Variants in RAB37 observed in about 807,000 individuals in gnomAD.
RAB37 encodes RAB37, member RAS oncogene family.
Under a neutral mutation model 33.1 loss-of-function variants are expected in RAB37, and 29 were observed. The ratio of observed to expected loss-of-function variants is 0.88; its 90% CI spans 0.65 to 1.20. The LOEUF (loss-of-function observed/expected upper bound fraction) is 1.20. RAB37 is among the 50% of genes most tolerant of loss of function. The pLI is 0.00. For missense variants in RAB37, 299 were observed against 301.1 expected, an observed-to-expected ratio of 0.99 and a Z score of 0.05; for synonymous variants, 128 against 119.5, an observed-to-expected ratio of 1.07 and a Z score of -0.47.
intron 1 of RAB37, among the ~76,000 whole-genome samples, chr17:74,702,122 G>A (rs1314547378): frequency 6.6e-6 from 1 of 152,086 alleles, no homozygotes; most frequent in East Asian, 1.9e-4. Flanking sequence ...GAATACCGGG[G>A]ACCTCCCATA....
At chr17:74,697,722 C>G (rs532942554) in intron 1 of RAB37, among the ~76,000 whole-genome samples, 2 of 151,978 alleles carry the variant, frequency 1.3e-5, no homozygotes, top group Non-Finnish European at 2.9e-5. Flanking sequence ...TAGACTCCTG[C>G]GCCAAGAGGC....
chr17:74,675,018 C>T (rs1205995209), intron 1 of RAB37, among the ~76,000 whole-genome samples: 1 of 152,160 alleles, frequency 6.6e-6, no homozygotes, highest in Admixed American at 6.6e-5. Flanking sequence ...CTTTGAGCAA[C>T]ATCTGTGAGT....
rs570013166 is a variant in RAB37, at chr17:74,729,902, G to A, written c.183+536G>A. 6.6e-6 allele frequency among the ~76,000 whole-genome samples: 1 copy of A among 152,332 alleles called. No individual in the cohort carries two copies. Among genetic ancestry groups the A allele is most frequent in the East Asian group, 1.9e-4 (1 of 5,192 alleles). On this transcript the variant is annotated intron_variant, in intron 2 of 7. Coordinates refer to the RAB37 transcript ENST00000340415. The surrounding 1 kb of genome is among the most constrained non-coding windows in gnomAD (Gnocchi z 4.2). ...AAGGGACGACAAAGTTTTCAGCACA[G>A]TCCAAACTTAGCAGTCACACGGGTC...
intron 3 of RAB37, 125 bp from the exon 4 acceptor site, chr17:74,743,004 A>C: frequency 1.3e-6 from 1 of 787,450 alleles, no homozygotes; most frequent in Non-Finnish European, 2.1e-6. Flanking sequence ...GCTCATGAGA[A>C]CCTAAAGAAG....
intron 1 of RAB37, among the ~76,000 whole-genome samples, chr17:74,727,956 T>C (rs956891828): frequency 2.6e-5 from 4 of 152,118 alleles, no homozygotes; most frequent in African/African-American, 9.7e-5. Context: ...TGTGTCTGTG[T>C]GTCGGTGCCT....
intron 1 of RAB37, chr17:74,695,883 G>T: frequency 6.2e-7 from 1 of 1,607,464 alleles, no homozygotes. Flanking sequence ...CACAGGCTGG[G>T]GAGTCACAAG....
rs2032140005 is a variant in RAB37 at position 74,690,540 on chromosome 17, G to C, written c.72+18882G>C. ...AAGTCATGATGGGGTGCGGGGATAC[G>C]GCTGAGATGACACCCAGATACAAAT... is the stretch of plus-strand genomic sequence containing the variant. On this transcript the variant is annotated intron_variant, in intron 1 of 7. Coordinates refer to the RAB37 transcript ENST00000340415. Among the ~76,000 whole-genome samples the C allele has an allele frequency of 3.3e-5, 5 of 152,134 alleles. No homozygotes were observed. The South Asian group carries it at 1.0e-3, about 32-fold the overall frequency.
At chr17:74,731,325 G>A (rs761250684) in intron 2 of RAB37, among the ~76,000 whole-genome samples, 3 of 152,302 alleles carry the variant, frequency 2.0e-5, no homozygotes, top group Non-Finnish European at 4.4e-5. Context: ...CACAGGCTCC[G>A]CTCAGGAGGC....
At chr17:74,717,395 G>A (rs143782380) in intron 1 of RAB37, among the ~76,000 whole-genome samples, 18 of 152,246 alleles carry the variant, frequency 1.2e-4, no homozygotes, top group Admixed American at 3.3e-4. Context: ...TGTGTCTCTC[G>A]AATTTCATAC....
intron 1 of RAB37, among the ~76,000 whole-genome samples, chr17:74,690,993 A>G (rs867275148): frequency 1.3e-5 from 2 of 152,252 alleles, no homozygotes; most frequent in Middle Eastern, 3.4e-3. Context: ...ATCACAGCTC[A>G]CTGCTGCCTA....
chr17:74,734,631 G>A (rs1567812171), upstream of RAB37, among the ~76,000 whole-genome samples: 1 of 152,094 alleles, frequency 6.6e-6, no homozygotes, highest in African/African-American at 2.4e-5. Context: ...ATCACCTAAG[G>A]TCAGGAGTTC....
At chr17:74,677,767 G>A (rs1327443774) in intron 1 of RAB37, among the ~76,000 whole-genome samples, 2 of 152,158 alleles carry the variant, frequency 1.3e-5, no homozygotes, top group Non-Finnish European at 2.9e-5. Flanking sequence ...GGGAGTGGTG[G>A]TGCCTGCTAG....
At chr17:74,702,023 TA>T (rs1056975884) in intron 1 of RAB37, among the ~76,000 whole-genome samples, 22 of 139,662 alleles carry the variant, frequency 1.6e-4, no homozygotes, top group Non-Finnish European at 3.5e-4. Context: ...TGTCTAAAAA[TA>T]AAAAAAAAGA....
chr17:74,736,545 C>CCCGCCTT (rs1435945027), upstream of RAB37: 1 of 1,469,176 alleles, frequency 6.8e-7, no homozygotes, highest in African/African-American at 1.4e-5. Flanking sequence ...TAAGGCCGGC[C>CCCGCCTT]CCGCCTTCAG....
intron 1 of RAB37, among the ~76,000 whole-genome samples, chr17:74,737,855 A>G (rs1248505764): frequency 1.3e-5 from 2 of 151,868 alleles, no homozygotes; most frequent in Non-Finnish European, 2.9e-5. Context: ...CTCCCATTCC[A>G]CCCGCTGGAG....
intron 1 of RAB37, among the ~76,000 whole-genome samples, chr17:74,685,935 C>A (rs913201771): frequency 6.6e-6 from 1 of 152,142 alleles, no homozygotes; most frequent in Admixed American, 6.5e-5. Context: ...AGTGGAGGAG[C>A]AAACAACAGC....
At position 74,744,794 on chromosome 17, in the gene RAB37, A is replaced by G; in HGVS notation, c.433-79A>G. 1.9e-6 allele frequency: 3 copies of G among 1,552,534 alleles called. No individual in the cohort carries two copies. Among genetic ancestry groups the G allele is most frequent in the Non-Finnish European group, 2.7e-6 (3 of 1,124,214 alleles). Reference sequence around the variant, plus strand: ...TTGGGCCACCAGCAGAGGGCAGGCAACGCCTGCTTCTGGGGCAAAATATGG... The same window carrying G: ...TTGGGCCACCAGCAGAGGGCAGGCAGCGCCTGCTTCTGGGGCAAAATATGG... On this transcript the variant is annotated intron_variant, in intron 6 of 8. Transcript: ENST00000392613. The surrounding 1 kb of genome is among the most constrained non-coding windows in gnomAD (Gnocchi z 4.2).
upstream of RAB37, chr17:74,736,627 C>A (rs1197966382): frequency 8.5e-6 from 13 of 1,534,680 alleles, no homozygotes; most frequent in Non-Finnish European, 1.1e-5. Context: ...ACATTCTGGG[C>A]ACAACCAACA....
chr17:74,703,969 G>A (rs767543436), intron 1 of RAB37, among the ~76,000 whole-genome samples: 50 of 152,250 alleles, frequency 3.3e-4, no homozygotes, highest in Non-Finnish European at 6.0e-4. Flanking sequence ...CCGTTTGACT[G>A]TGAAGACCTT....
Sources: gnomAD v4.1 joint callset for allele counts (sites outside exome capture counted in the v4.1 genomes callset) on GRCh38, gnomAD v4.1.1 for gene constraint, Gnocchi (gnomAD v3.1) non-coding constraint, MANE v1.5 for transcripts, NCBI Gene and HGNC (gene_info 2026-07-23, HGNC 2026-07-21) for gene names.